The following NFRKB variants were observed in gnomAD, a reference collection of about 807,000 sequenced individuals.
NFRKB encodes the protein nuclear factor related to kappa-B-binding protein.
Under a neutral mutation model 135.7 loss-of-function variants are expected in NFRKB, and 62 were observed. That is an observed-to-expected ratio of 0.46 (90% confidence interval 0.37 to 0.56). The LOEUF (loss-of-function observed/expected upper bound fraction) is 0.56. Ranked by LOEUF, NFRKB falls within the 20% of genes least tolerant of loss-of-function variation. The pLI, the probability that NFRKB is intolerant of heterozygous loss-of-function variation, is 0.00. For missense variants in NFRKB, 1,545 were observed against 1,662.0 expected (o/e 0.93, Z 1.22); for synonymous variants, 678 against 635.6 (o/e 1.07, Z -1.00).
At chr11:129,892,075 T>C (rs370947199) in intron 3 of NFRKB, among the ~76,000 whole-genome samples, 9 of 152,108 alleles carry the variant, frequency 5.9e-5, no homozygotes, top group African/African-American at 1.4e-4. Flanking sequence ...ATTATTTCAA[T>C]AGTATTGGGG....
chr11:129,877,954 C>A (rs1238402882), intron 15 of NFRKB, among the ~76,000 whole-genome samples: 1 of 152,190 alleles, frequency 6.6e-6, no homozygotes, highest in Non-Finnish European at 1.5e-5. Flanking sequence ...CTGCTGCTAA[C>A]CTTCAGCAAG....
intron 2 of NFRKB, chr11:129,894,083 T>C (rs1366894837): frequency 6.6e-6 from 1 of 152,228 alleles, no homozygotes; most frequent in Non-Finnish European, 1.5e-5. Context: ...ACACTGCTGA[T>C]CACCTTCAGA....
intron 1 of NFRKB, among the ~76,000 whole-genome samples, chr11:129,894,670 G>A (rs1216746908): frequency 6.6e-6 from 1 of 152,172 alleles, no homozygotes; most frequent in African/African-American, 2.4e-5. Flanking sequence ...AAGCAACTGT[G>A]CCCCCTCATC....
In NFRKB at chr11:129,872,891, A is replaced by G; in HGVS notation, c.2756T>C (p.Ile919Thr). 2 of 1,601,060 alleles carry G rather than the reference A, an allele frequency of 1.2e-6. No homozygotes were observed. The highest frequency in any genetic ancestry group is 1.7e-6 in the Non-Finnish European group (2 of 1,170,082). The change falls in exon 23 of 27, where the codon ATC becomes ACC. Residue 919 changes from isoleucine to threonine, a missense_variant. Physicochemically the swap from Ile to Thr is moderately conservative, Grantham distance 89. This residue lies in a region of NFRKB where 753 missense variants were observed against 804.3 expected (regional missense o/e 0.94). Transcript: ENST00000682444. ...GGAAAGAGCCCCACCTACCTGCTTGATGATGTTCTGTCCTGTGACATTTTG... is the reference window on the plus strand; with the variant it reads ...GGAAAGAGCCCCACCTACCTGCTTGGTGATGTTCTGTCCTGTGACATTTTG... ...VIQNVTGQNIIKQVAITGQLG... is the reference protein window; with the variant it reads ...VIQNVTGQNITKQVAITGQLG...
intron 3 of NFRKB, among the ~76,000 whole-genome samples, chr11:129,890,146 T>C (rs1949489565): frequency 6.6e-6 from 1 of 151,732 alleles, no homozygotes; most frequent in African/African-American, 2.4e-5. Flanking sequence ...TTTTAGGTAG[T>C]TGTGACTTTT....
At position 129,876,737 on chromosome 11, in the gene NFRKB, G is replaced by A. The variant is rs376422854; in HGVS notation, c.1731C>T (p.Val577=). 1.2e-6 allele frequency: 2 copies of A among 1,613,446 alleles called. No individual in the cohort carries two copies. The highest frequency in any genetic ancestry group is 1.7e-5 in the Admixed American group (1 of 59,868). ...GCCACCTACCAAGAGACAGAATGGT[G>A]ACGTAGGCAGGCCGGTCGGAGCGCA... ...SLLRSDRPAY[V]TILSLVRDAA... The change falls in exon 17 of 27, where the codon GTC becomes GTT. Residue 577 remains valine, a synonymous_variant. Transcript: ENST00000682444.
chr11:129,884,210 C>G, intron 7 of NFRKB, 67 bp from the exon 8 acceptor site: 1 of 1,356,330 alleles, frequency 7.4e-7, no homozygotes, highest in Non-Finnish European at 1.0e-6. Flanking sequence ...TGGTCACTTT[C>G]AAAAGTAAGA....
rs754057788 is a variant in NFRKB, at chr11:129,884,731, A to G, written c.742+14T>C. The G allele has an allele frequency of 6.2e-7, 1 of 1,613,182 alleles. No individual in the cohort carries two copies. The highest frequency in any genetic ancestry group is 1.1e-5 in the South Asian group (1 of 91,032). On this transcript the variant is annotated intron_variant, in intron 7 of 26. Transcript: ENST00000682444. The stretch of plus-strand genomic sequence containing the variant: ...AATGTCCCAGAATGGTGACAGCGGC[A>G]GCTTGGTTCTCACCTGCAGTTTTCA...
At position 129,872,956 on chromosome 11, in the gene NFRKB, A is replaced by T. The variant is rs1446875152; in HGVS notation, c.2691T>A (p.Pro897=). Residue 897 remains proline, a synonymous_variant, in exon 23 of 27, where the codon CCT becomes CCA. Coordinates refer to ENST00000682444, the MANE Select transcript of NFRKB (RefSeq NM_001143835.2). ...TGGAGGCACTGGGAGCAGAGGTCCCAGGAGAACTCGTGGCTGGCTTACTCA... is the reference window on the plus strand; with the variant it reads ...TGGAGGCACTGGGAGCAGAGGTCCCTGGAGAACTCGTGGCTGGCTTACTCA... ...SPVSKPATSS[P]GTSAPSASTA... is the part of the protein sequence containing the mutation. 1 of 1,614,024 alleles carries T rather than the reference A, an allele frequency of 6.2e-7. No homozygotes were observed. The highest frequency in any genetic ancestry group is 8.5e-7 in the Non-Finnish European group (1 of 1,179,986).
chr11:129,873,002 A>T lies in NFRKB; in HGVS notation c.2645T>A (p.Leu882His), dbSNP rs747430378. 3 of 1,613,684 alleles carry T rather than the reference A, an allele frequency of 1.9e-6. No homozygotes were observed. The East Asian group carries it at 6.7e-5, about 36-fold the overall frequency. The change falls in exon 23 of 27, where the codon CTC becomes CAC. Residue 882 changes from leucine (L) to histidine (H), a missense_variant. Physicochemically the swap from Leu to His is moderately conservative, Grantham distance 99. Around this residue, in one of 3 missense-constraint regions of NFRKB, gnomAD observed 753 missense variants for 804.3 expected, o/e 0.94. Transcript: ENST00000682444. Reference protein sequence around the residue: ...PGQTGLTVTSLPATASPVSKP... With the variant: ...PGQTGLTVTSHPATASPVSKP... ...ACTCACAGGGCTGGCTGTGGCAGGGAGACTTGTCACCGTGAGCCCTGTCTG... is the reference window on the plus strand; with the variant it reads ...ACTCACAGGGCTGGCTGTGGCAGGGTGACTTGTCACCGTGAGCCCTGTCTG...
chr11:129,885,630 G>A (rs751324002), intron 5 of NFRKB, 21 bp from the exon 6 acceptor site: 2 of 1,587,854 alleles, frequency 1.3e-6, no homozygotes, highest in Non-Finnish European at 1.7e-6. Flanking sequence ...ATCAGGTGGG[G>A]GTACAAGTCA....
chr11:129,892,169 C>A (rs997683087), intron 3 of NFRKB, among the ~76,000 whole-genome samples: 13 of 152,046 alleles, frequency 8.6e-5, no homozygotes, highest in African/African-American at 2.9e-4. Flanking sequence ...AAGCAGTGTA[C>A]ACTGCACCCA....
In NFRKB at chr11:129,878,025, T is replaced by C. The variant is rs114553343; in HGVS notation, c.1511+284A>G. 2.8e-3 allele frequency among the ~76,000 whole-genome samples: 424 copies of C among 152,216 alleles called. 1 individual carries two copies. Among genetic ancestry groups the C allele is most frequent in the African/African-American group, 9.7e-3 (404 of 41,526 alleles). ...ATGGCCTAGATGAATAATTCTCAAGTAGGAGCCCAGGGAGGAGTACACATT... is the reference window on the plus strand; with the variant it reads ...ATGGCCTAGATGAATAATTCTCAAGCAGGAGCCCAGGGAGGAGTACACATT... On this transcript the variant is annotated intron_variant, in intron 15 of 26. Transcript: ENST00000682444.
chr11:129,882,484 G>A lies in NFRKB; in HGVS notation c.1049C>T (p.Pro350Leu), dbSNP rs771397741. 50 of 1,613,668 alleles carry A rather than the reference G, an allele frequency of 3.1e-5. No homozygotes were observed. The highest frequency in any genetic ancestry group is 1.8e-4 in the South Asian group (16 of 91,036). ...TEGVAPLSQA[P>L]SPLAIPAIKE... ...GATAGCAGGAATTGCCAGCGGAGAG[G>A]GGGCCTGTGAGAGAGGTGCGACCCC... The change falls in exon 10 of 27, where the codon CCC (proline) becomes CTC (leucine). Residue 350 changes from proline (P) to leucine (L), a missense_variant. Around this residue, in one of 3 missense-constraint regions of NFRKB, gnomAD observed 678 missense variants for 646.7 expected, o/e 1.05. Coordinates refer to ENST00000682444, the MANE Select transcript of NFRKB (RefSeq NM_001143835.2).
intron 23 of NFRKB, among the ~76,000 whole-genome samples, chr11:129,871,412 G>C (rs1016392937): frequency 1.3e-5 from 2 of 151,936 alleles, no homozygotes; most frequent in African/African-American, 4.8e-5. Flanking sequence ...GCATTATCCT[G>C]ATCCACCGAG....
rs1046713778 is a variant in NFRKB, at chr11:129,877,534, A to G, written c.1512-149T>C. 5.1e-5 allele frequency: 37 copies of G among 722,090 alleles called. No individual in the cohort carries two copies. The Middle Eastern group carries it at 9.6e-4, about 19-fold the overall frequency. 44.7% of individuals were successfully genotyped at this position (722,090 alleles called of 1,614,324 possible). On this transcript the variant is annotated intron_variant, in intron 15 of 26. Transcript: ENST00000682444. ...TACAAAGGCGAAGAGCCCACCTTCC[A>G]GCTCCTACGAAGTAACTCCTGTTGG...
intron 15 of NFRKB, 22 bp from the exon 16 acceptor site, chr11:129,877,407 A>G (rs765007555): frequency 3.1e-6 from 5 of 1,612,644 alleles, no homozygotes; most frequent in Admixed American, 3.3e-5. Flanking sequence ...AGAATTCTGT[A>G]TCAACCCTGA....
chr11:129,866,031 AC>A, intron 24 of NFRKB, 48 bp from the exon 25 acceptor site: 1 of 1,494,100 alleles, frequency 6.7e-7, no homozygotes, highest in Non-Finnish European at 9.0e-7. Context: ...GGTAAGGAAA[AC>A]CAGCAAGTGT....
intron 24 of NFRKB, 52 bp downstream of exon 24, chr11:129,869,442 T>C (rs1948382104): frequency 6.6e-7 from 1 of 1,519,840 alleles, no homozygotes; most frequent in Non-Finnish European, 8.7e-7. Context: ...CAGTTGAGCC[T>C]TGATTAAGTT....
Sources: allele counts gnomAD v4.1 joint callset (sites outside exome capture counted in the v4.1 genomes callset), GRCh38; gene constraint gnomAD v4.1.1; regional missense constraint gnomAD v4.1.1; transcripts MANE v1.5; gene names NCBI Gene and HGNC (gene_info 2026-07-23, HGNC 2026-07-21).